Variants in ANAPC2 observed in about 807,000 individuals in gnomAD.
ANAPC2 encodes anaphase-promoting complex subunit 2.
In ANAPC2, 29 loss-of-function variants were observed where a neutral mutation model predicts 84.3. The ratio of observed to expected loss-of-function variants is 0.34; its 90% CI spans 0.26 to 0.47. The LOEUF is 0.47. Among genes scored for constraint, ANAPC2 ranks in the 20% least tolerant of loss-of-function variants. ANAPC2 has a pLI of 1.00. For synonymous variants in ANAPC2, 571 were observed against 479.4 expected, an observed-to-expected ratio of 1.19 and a Z score of -2.50; for missense variants, 857 against 1,131.7, an observed-to-expected ratio of 0.76 and a Z score of 3.48.
At chr9:137,188,395 C>T in intron 1 of ANAPC2, 21 bp downstream of exon 1, 3 of 1,599,526 alleles carry the variant, frequency 1.9e-6, no homozygotes, top group Non-Finnish European at 2.6e-6. Flanking sequence ...GCGGGGCCGC[C>T]CCTCTCTTCC....
At chr9:137,176,959 A>G (rs55956196) in intron 10 of ANAPC2, 39,475 of 152,024 alleles carry the variant, frequency 0.26, 5,393 homozygotes, top group African/African-American at 0.33. Flanking sequence ...TCTGAAAAAT[A>G]CTCTATCCAG....
At chr9:137,181,055 G>C (rs1187145989) in intron 7 of ANAPC2, 126 bp from the exon 8 acceptor site, 1 of 1,311,918 alleles carries the variant, frequency 7.6e-7, no homozygotes, top group African/African-American at 1.5e-5. Context: ...CCTCGAGGCT[G>C]GGAGCAGCCC....
chr9:137,175,983 G>A, intron 10 of ANAPC2, 146 bp from the exon 11 acceptor site: 1 of 1,032,012 alleles, frequency 9.7e-7, no homozygotes, highest in Non-Finnish European at 1.4e-6. Context: ...CGAGAGCACA[G>A]GACTGGGTGG....
intron 10 of ANAPC2, among the ~76,000 whole-genome samples, chr9:137,177,854 C>A (rs117663544): frequency 1.3e-5 from 2 of 152,112 alleles, no homozygotes; most frequent in African/African-American, 4.8e-5. Flanking sequence ...ACATCACGGG[C>A]GACGCGGCAG....
chr9:137,176,880 G>C (rs545644892), intron 10 of ANAPC2: 1 of 152,386 alleles, frequency 6.6e-6, no homozygotes, highest in Admixed American at 6.5e-5. Flanking sequence ...GCTACTTATA[G>C]CAGAATGCAA....
Position 137,174,974 on chromosome 9 carries a change from C to T in ANAPC2, c.2437G>A (p.Gly813Ser), listed in dbSNP as rs931096037. 4 of 1,593,334 alleles carry T rather than the reference C, an allele frequency of 2.5e-6. No homozygotes were observed. Among genetic ancestry groups the T allele is most frequent in the African/African-American group, 1.3e-5 (1 of 74,588 alleles). ...CAGTTCTTGGGCAGGCGGTAGACGC[C>T]GGCCGAGTAGACGAGCTGCTGGTCC... Reference protein sequence around the residue: ...VRDQQLVYSAGVYRLPKNCS With the variant: ...VRDQQLVYSASVYRLPKNCS Residue 813 changes from glycine (G) to serine (S), a missense_variant, in exon 13 of 13, where the codon GGC becomes AGC. Gly to Ser is a moderately conservative substitution (Grantham distance 56, BLOSUM62 0). Around this residue, in one of 3 missense-constraint regions of ANAPC2, gnomAD observed 425 missense variants for 595.5 expected, o/e 0.71. Transcript: ENST00000323927. The surrounding 1 kb of genome is among the most constrained non-coding windows in gnomAD (Gnocchi z 6.1).
At chr9:137,176,167 CTTCTAAGAAAAGGAAAG>C in intron 10 of ANAPC2, 1 of 172,598 alleles carries the variant, frequency 5.8e-6, no homozygotes, top group African/African-American at 3.9e-5. Flanking sequence ...GACTGGGGTC[CTTCTAAGAAAAGGAAAG>C]ATAGGAAGAC....
intron 6 of ANAPC2, among the ~76,000 whole-genome samples, 168 bp from the exon 7 acceptor site, chr9:137,182,030 A>C (rs1368792621): frequency 6.6e-6 from 1 of 152,176 alleles, no homozygotes; most frequent in East Asian, 1.9e-4. Context: ...CCTTAAAAAC[A>C]AATAAACCCA....
chr9:137,178,853 C>T (rs558349350), intron 10 of ANAPC2, among the ~76,000 whole-genome samples: 1 of 152,324 alleles, frequency 6.6e-6, no homozygotes, highest in Admixed American at 6.5e-5. Flanking sequence ...GCCCTGGGGG[C>T]CTCCGCCTGG....
At chr9:137,184,705 GCACAGGGAGCCCAAGACGCAGA>G (rs1200826819) in intron 4 of ANAPC2, among the ~76,000 whole-genome samples, 186 bp downstream of exon 4, 3 of 146,136 alleles carry the variant, frequency 2.1e-5, no homozygotes, top group African/African-American at 2.6e-5. Context: ...CACGGCGAAG[GCACAGGGAGCCCAAGACGCAGA>G]CACAGGGAGC....
intron 2 of ANAPC2, chr9:137,186,599 C>T (rs1312758188): frequency 2.1e-5 from 11 of 534,294 alleles, no homozygotes; most frequent in East Asian, 1.8e-4. Flanking sequence ...GGCCTCTATC[C>T]AGGTAGGGAC....
intron 2 of ANAPC2, chr9:137,186,763 C>G (rs1301117066): frequency 1.0e-5 from 2 of 198,458 alleles, no homozygotes; most frequent in African/African-American, 4.6e-5. Flanking sequence ...AGTGCAGTCT[C>G]TGGTCTACAG....
At chr9:137,175,566 C>T (rs1834190659) in intron 11 of ANAPC2, 94 bp from the exon 12 acceptor site, 1 of 1,479,410 alleles carries the variant, frequency 6.8e-7, no homozygotes, top group Admixed American at 2.2e-5. Flanking sequence ...GCTCCCGGGC[C>T]ACCCTGCCTT....
rs1193464999 is a variant in ANAPC2 at position 137,181,872 on chromosome 9, T to G, written c.1287-10A>C. The stretch of plus-strand genomic sequence containing the variant: ...TGTGTCCTCCCGCGTCCTGCCGATG[T>G]GAGTGCTGCTGTGGCCCACAGTGTG... On this transcript the variant is annotated splice_polypyrimidine_tract_variant and intron_variant, in intron 6 of 12. Transcript: ENST00000323927. 2 of 1,596,834 alleles carry G rather than the reference T, an allele frequency of 1.3e-6. No homozygotes were observed. Among genetic ancestry groups the G allele is most frequent in the Non-Finnish European group, 1.7e-6 (2 of 1,176,304 alleles).
intron 3 of ANAPC2, among the ~76,000 whole-genome samples, chr9:137,185,400 C>A (rs929672103): frequency 3.3e-5 from 5 of 152,228 alleles, no homozygotes; most frequent in African/African-American, 1.2e-4. Context: ...CTGGTGGGCA[C>A]ACTTGCCCCC....
intron 6 of ANAPC2, among the ~76,000 whole-genome samples, chr9:137,182,299 T>G (rs1384724487): frequency 1.3e-5 from 2 of 151,862 alleles, no homozygotes. Flanking sequence ...GATCACGAGG[T>G]CAGGAGATCA....
intron 10 of ANAPC2, among the ~76,000 whole-genome samples, chr9:137,179,317 C>T (rs558662126): frequency 6.6e-5 from 10 of 152,278 alleles, no homozygotes; most frequent in African/African-American, 9.6e-5. Flanking sequence ...CCCTGGAACC[C>T]GCCTGTGACG....
intron 10 of ANAPC2, 159 bp from the exon 11 acceptor site, chr9:137,175,996 T>A: frequency 3.4e-6 from 3 of 870,740 alleles, no homozygotes; most frequent in Non-Finnish European, 5.0e-6. Flanking sequence ...CTGGGTGGGG[T>A]CCCCACCTGC....
chr9:137,187,277 T>C (rs1367901538), intron 2 of ANAPC2: 1 of 673,954 alleles, frequency 1.5e-6, no homozygotes. Flanking sequence ...GGTCAAGGCA[T>C]GAATCTGTGG....
Sources: allele counts gnomAD v4.1 joint callset (sites outside exome capture counted in the v4.1 genomes callset), GRCh38; gene constraint gnomAD v4.1.1; regional missense constraint gnomAD v4.1.1; non-coding constraint Gnocchi (gnomAD v3.1); transcripts MANE v1.5; gene names NCBI Gene and HGNC (gene_info 2026-07-23, HGNC 2026-07-21).